The following UBE2H variants were observed in gnomAD, a reference collection of about 807,000 sequenced individuals.
UBE2H encodes the protein ubiquitin conjugating enzyme E2 H, also known as ubiquitin-conjugating enzyme E2 H.
Under a neutral mutation model 29.0 loss-of-function variants are expected in UBE2H, and 3 were observed. The ratio of observed to expected loss-of-function variants is 0.10; its 90% CI spans 0.05 to 0.27. The LOEUF is 0.27. Among genes scored for constraint, UBE2H ranks in the 10% least tolerant of loss-of-function variants. The probability of loss-of-function intolerance (pLI) is 1.00; values close to 1 mark genes in which losing one functional copy is unlikely to be tolerated. For synonymous variants in UBE2H, 69 were observed against 82.9 expected, an observed-to-expected ratio of 0.83 and a Z score of 0.91; for missense variants, 68 against 228.2, an observed-to-expected ratio of 0.30 and a Z score of 4.52.
At chr7:129,917,463 G>A (rs1807067657) in intron 1 of UBE2H, among the ~76,000 whole-genome samples, 1 of 151,914 alleles carries the variant, frequency 6.6e-6, no homozygotes, top group African/African-American at 2.4e-5. Context: ...TGTGCCTGCT[G>A]GAGTCTGGGG....
intron 1 of UBE2H, 69 bp from the exon 2 acceptor site, chr7:129,881,040 G>A: frequency 7.3e-7 from 1 of 1,376,712 alleles, no homozygotes. Flanking sequence ...TAACACCCCA[G>A]GCATATGCCA....
At chr7:129,870,117 C>T (rs1481530819) in intron 3 of UBE2H, among the ~76,000 whole-genome samples, 1 of 152,146 alleles carries the variant, frequency 6.6e-6, no homozygotes, top group Non-Finnish European at 1.5e-5. Flanking sequence ...TGCACACATA[C>T]TCTTTCTCCC....
chr7:129,931,038 G>C (rs1807382971), intron 1 of UBE2H, among the ~76,000 whole-genome samples: 1 of 151,496 alleles, frequency 6.6e-6, no homozygotes, highest in Admixed American at 6.6e-5. Context: ...GACCAACATG[G>C]TGAAACCCAA....
chr7:129,878,178 C>T (rs1016944979), intron 3 of UBE2H, among the ~76,000 whole-genome samples: 2 of 152,068 alleles, frequency 1.3e-5, no homozygotes, highest in South Asian at 2.1e-4. Flanking sequence ...CAGGCGTATA[C>T]GTTTCTACAC....
chr7:129,897,653 A>G (rs986078363), intron 1 of UBE2H, among the ~76,000 whole-genome samples: 2 of 152,230 alleles, frequency 1.3e-5, no homozygotes, highest in Non-Finnish European at 2.9e-5. Flanking sequence ...TGCAATCTAC[A>G]TGCAGAGAAC....
At chr7:129,939,443 T>C (rs1807597683) in intron 1 of UBE2H, among the ~76,000 whole-genome samples, 1 of 152,176 alleles carries the variant, frequency 6.6e-6, no homozygotes, top group South Asian at 2.1e-4. Context: ...TATTTACAGG[T>C]TTAGATTCAA....
rs944353678 is a variant in UBE2H at position 129,861,854 on chromosome 7, C to T, written c.206-2913G>A. On this transcript the variant is annotated intron_variant, in intron 3 of 6. Coordinates refer to ENST00000355621, the MANE Select transcript of UBE2H (RefSeq NM_003344.4). The stretch of plus-strand genomic sequence containing the variant: ...AGTGAGCCGAGATCATGCCACTGCA[C>T]TCCAGCCTGGAAGCCAGAGCTAGAC... Among the ~76,000 whole-genome samples the T allele has an allele frequency of 4.6e-5, 7 of 152,322 alleles. No homozygotes were observed. In the East Asian group the frequency reaches 5.8e-4, roughly 13 times the overall value.
At chr7:129,873,355 T>C (rs753930120) in intron 3 of UBE2H, among the ~76,000 whole-genome samples, 33 of 152,036 alleles carry the variant, frequency 2.2e-4, no homozygotes, top group Non-Finnish European at 4.4e-4. Flanking sequence ...TGCCCATGAC[T>C]TTTTCATTTT....
In UBE2H at chr7:129,892,970, A is replaced by G. The variant is rs142024806; in HGVS notation, c.54-11999T>C. Among the ~76,000 whole-genome samples the G allele has an allele frequency of 2.1e-3, 313 of 152,336 alleles. 2 individuals are homozygous for G. Among genetic ancestry groups the G allele is most frequent in the African/African-American group, 7.3e-3 (304 of 41,564 alleles). ...TGTCAAACAGCTTCTGAATAAGGGA[A>G]GTATCACTTATTTAAAAATAGCCAT... On this transcript the variant is annotated intron_variant, in intron 1 of 6. Coordinates refer to ENST00000355621, the MANE Select transcript of UBE2H (RefSeq NM_003344.4).
chr7:129,850,586 G>T (rs899666135), intron 5 of UBE2H, among the ~76,000 whole-genome samples: 2 of 152,182 alleles, frequency 1.3e-5, no homozygotes, highest in Non-Finnish European at 2.9e-5. Flanking sequence ...GGGAGGCCGA[G>T]GCAGGTGGAT....
chr7:129,862,901 G>A (rs1805828637), intron 3 of UBE2H, among the ~76,000 whole-genome samples: 1 of 152,124 alleles, frequency 6.6e-6, no homozygotes, highest in Admixed American at 6.5e-5. Context: ...GCTAGTTGGG[G>A]AACAGCTCAA....
chr7:129,917,148 CGT>C (rs1053388358), intron 1 of UBE2H, among the ~76,000 whole-genome samples: 8 of 152,044 alleles, frequency 5.3e-5, no homozygotes, highest in Non-Finnish European at 7.3e-5. Context: ...GAGCCGAGAT[CGT>C]GCCACTGCAC....
chr7:129,899,205 G>T (rs1005205380), intron 1 of UBE2H, among the ~76,000 whole-genome samples: 1 of 151,848 alleles, frequency 6.6e-6, no homozygotes, highest in Non-Finnish European at 1.5e-5. Flanking sequence ...ATGTCTGTTG[G>T]TATACTTTTT....
intron 1 of UBE2H, among the ~76,000 whole-genome samples, chr7:129,895,018 T>G (rs1020806806): frequency 6.6e-6 from 1 of 152,230 alleles, no homozygotes; most frequent in African/African-American, 2.4e-5. Flanking sequence ...AAAAATTGTT[T>G]TAAAAACTTT....
intron 5 of UBE2H, among the ~76,000 whole-genome samples, chr7:129,854,552 G>A (rs1390411617): frequency 6.6e-6 from 1 of 152,136 alleles, no homozygotes; most frequent in African/African-American, 2.4e-5. Flanking sequence ...TTGGACCAAC[G>A]TGGTTTAACT....
chr7:129,931,723 T>C lies in UBE2H; in HGVS notation c.53+20780A>G, dbSNP rs556040679. ...TAATTCTGGACATTTTTTGTTGATA[T>C]AATGCCAAAATTGACAAGCAGTTGT... On this transcript the variant is annotated intron_variant, in intron 1 of 6. Transcript: ENST00000355621. Among the ~76,000 whole-genome samples the C allele has an allele frequency of 2.6e-5, 4 of 152,260 alleles. No individual in the cohort carries two copies. In the South Asian group the frequency reaches 6.2e-4, roughly 24 times the overall value.
At chr7:129,894,068 C>A (rs1467773668) in intron 1 of UBE2H, among the ~76,000 whole-genome samples, 1 of 152,148 alleles carries the variant, frequency 6.6e-6, no homozygotes, top group African/African-American at 2.4e-5. Context: ...GGCAGGAGAA[C>A]TGCTTGAGCC....
At chr7:129,936,800 C>T (rs1807538525) in intron 1 of UBE2H, among the ~76,000 whole-genome samples, 1 of 117,536 alleles carries the variant, frequency 8.5e-6, no homozygotes, top group Non-Finnish European at 1.7e-5. Flanking sequence ...CCCGTCTCTA[C>T]TAGGAAAAAA....
intron 1 of UBE2H, among the ~76,000 whole-genome samples, chr7:129,911,011 C>T (rs1049917810): frequency 3.3e-5 from 5 of 151,906 alleles, no homozygotes; most frequent in Non-Finnish European, 7.4e-5. Context: ...GGTAAGGTCC[C>T]GAGGCCCTGA....
Sources: gnomAD v4.1 joint callset for allele counts (sites outside exome capture counted in the v4.1 genomes callset) on GRCh38, gnomAD v4.1.1 for gene constraint, MANE v1.5 for transcripts, NCBI Gene and HGNC (gene_info 2026-07-23, HGNC 2026-07-21) for gene names.